Variants in TIMP2 observed in about 807,000 individuals in gnomAD.
TIMP2 encodes TIMP metallopeptidase inhibitor 2.
In TIMP2, 5 loss-of-function variants were observed where a neutral mutation model predicts 24.3. The ratio of observed to expected loss-of-function variants is 0.21; its 90% CI spans 0.11 to 0.43. The LOEUF (loss-of-function observed/expected upper bound fraction) is 0.43, where lower values mean the gene tolerates loss of function less well. TIMP2 is among the 20% of genes least tolerant of loss of function. TIMP2 has a pLI of 1.00. For missense variants in TIMP2, 221 were observed against 297.5 expected (o/e 0.74, Z 1.89); for synonymous variants, 130 against 123.2 (o/e 1.06, Z -0.37).
At chr17:78,864,361 C>T (rs2069591407) in intron 3 of TIMP2, among the ~76,000 whole-genome samples, 1 of 149,980 alleles carries the variant, frequency 6.7e-6, no homozygotes, top group African/African-American at 2.5e-5. Flanking sequence ...CTCCCTTCCT[C>T]CATGCCTCCC....
At chr17:78,910,065 A>G (rs76666616) in intron 1 of TIMP2, among the ~76,000 whole-genome samples, 186 of 152,354 alleles carry the variant, frequency 1.2e-3, no homozygotes, top group African/African-American at 4.3e-3. Flanking sequence ...GATACATACA[A>G]TGTATAGTGA....
chr17:78,866,179 T>C (rs1232764927), intron 3 of TIMP2, among the ~76,000 whole-genome samples: 1 of 152,242 alleles, frequency 6.6e-6, no homozygotes. Flanking sequence ...GCTGACACGC[T>C]GGGAAATTTC....
intron 1 of TIMP2, among the ~76,000 whole-genome samples, chr17:78,887,192 G>A (rs941334320): frequency 6.6e-6 from 1 of 152,192 alleles, no homozygotes; most frequent in African/African-American, 2.4e-5. Flanking sequence ...CATTCGCCAG[G>A]GAAGTCCGGC....
At chr17:78,859,031 G>C (rs1473311181) in intron 3 of TIMP2, among the ~76,000 whole-genome samples, 1 of 152,166 alleles carries the variant, frequency 6.6e-6, no homozygotes, top group African/African-American at 2.4e-5. Context: ...GCAGTATGTA[G>C]ATTATATTGT....
At position 78,925,032 on chromosome 17, in the gene TIMP2, C is replaced by G. The variant is rs955039934; in HGVS notation, c.57G>C (p.Thr19=). The G allele has an allele frequency of 6.5e-6, 8 of 1,224,410 alleles. No homozygotes were observed. The African/African-American group carries it at 1.3e-4, about 20-fold the overall frequency. The allele number at this position is 1,224,410 out of a possible 1,614,324, so 75.8% of individuals were successfully genotyped here. ...RLALGLLLLA[T]LLRPADACSC... is the part of the protein sequence containing the mutation. The stretch of plus-strand genomic sequence containing the variant: ...TGCAGGCGTCGGCCGGGCGAAGCAG[C>G]GTCGCCAGCAGCAGGAGGCCGAGCG... Residue 19 remains threonine, a synonymous_variant, in exon 1 of 5, where the codon ACG becomes ACC. Transcript: ENST00000262768.
At chr17:78,887,275 T>C (rs1251525360) in intron 1 of TIMP2, among the ~76,000 whole-genome samples, 1 of 152,214 alleles carries the variant, frequency 6.6e-6, no homozygotes, top group African/African-American at 2.4e-5. Flanking sequence ...TTCCAGCTTT[T>C]ACTCACTCAT....
At chr17:78,910,105 T>C (rs1186639396) in intron 1 of TIMP2, among the ~76,000 whole-genome samples, 1 of 152,196 alleles carries the variant, frequency 6.6e-6, no homozygotes, top group Non-Finnish European at 1.5e-5. Context: ...ACAGCCATCA[T>C]CTCAAGCATT....
chr17:78,857,240 G>A (rs996544659), intron 4 of TIMP2: 10 of 363,372 alleles, frequency 2.8e-5, no homozygotes, highest in African/African-American at 1.6e-4. Context: ...CACCTATCTC[G>A]GCCTCCCAAA....
At chr17:78,856,444 G>T (rs975286859) in intron 4 of TIMP2, 1 of 156,060 alleles carries the variant, frequency 6.4e-6, no homozygotes, top group Non-Finnish European at 1.4e-5. Flanking sequence ...GGGGCTGGGG[G>T]CCGTCAGGAG....
In TIMP2 at chr17:78,883,786, C is replaced by T. The variant is rs796513255; in HGVS notation, c.131-9867G>A. Among the ~76,000 whole-genome samples the T allele has an allele frequency of 9.8e-5, 15 of 152,312 alleles. 1 individual carries two copies. Among genetic ancestry groups the T allele is most frequent in the African/African-American group, 3.6e-4 (15 of 41,576 alleles). On this transcript the variant is annotated intron_variant, in intron 1 of 4. Transcript: ENST00000262768. ...GCACCTCAGCCACGCAGAGCAAAGC[C>T]GCCCTCTCTGCCCAGCCTTCCTGCC...
intron 1 of TIMP2, among the ~76,000 whole-genome samples, chr17:78,886,434 C>T (rs1490055991): frequency 6.6e-6 from 1 of 152,108 alleles, no homozygotes; most frequent in African/African-American, 2.4e-5. Context: ...GCCATAACAC[C>T]CTCTCTGCCC....
In TIMP2 at chr17:78,892,347, C is replaced by A. The variant is rs571985781; in HGVS notation, c.131-18428G>T. On this transcript the variant is annotated intron_variant, in intron 1 of 4. Transcript: ENST00000262768. Reference sequence around the variant, plus strand: ...CCATCCATGTTTCTGTTCCTGTCTGCGAACCCAGCAGATACAGCTTCCCAG... The same window carrying A: ...CCATCCATGTTTCTGTTCCTGTCTGAGAACCCAGCAGATACAGCTTCCCAG... 1.9e-6 allele frequency: 3 copies of A among 1,550,634 alleles called. No individual in the cohort carries two copies. In the South Asian group the frequency reaches 3.6e-5, roughly 18 times the overall value.
intron 1 of TIMP2, among the ~76,000 whole-genome samples, chr17:78,907,029 C>T (rs2070165460): frequency 6.6e-6 from 1 of 152,028 alleles, no homozygotes; most frequent in Non-Finnish European, 1.5e-5. Context: ...TAAGCTTAAT[C>T]ACTCCTAGCT....
chr17:78,897,083 C>T, intron 1 of TIMP2: 1 of 794,386 alleles, frequency 1.3e-6, no homozygotes, highest in Non-Finnish European at 1.5e-6. Flanking sequence ...AGTGCCAGGG[C>T]CCACAGACAG....
intron 1 of TIMP2, among the ~76,000 whole-genome samples, chr17:78,887,154 G>GT (rs1188825177): frequency 6.6e-6 from 1 of 152,190 alleles, no homozygotes; most frequent in Non-Finnish European, 1.5e-5. Context: ...CCAAATGAGC[G>GT]TAACGCTTGT....
chr17:78,861,059 G>A (rs916540746), intron 3 of TIMP2, among the ~76,000 whole-genome samples: 7 of 149,392 alleles, frequency 4.7e-5, no homozygotes, highest in Middle Eastern at 3.2e-3. Context: ...ATCAAAATTA[G>A]ATATATAACT....
At chr17:78,882,800 AG>A (rs1381520414) in intron 1 of TIMP2, among the ~76,000 whole-genome samples, 1 of 152,250 alleles carries the variant, frequency 6.6e-6, no homozygotes, top group East Asian at 1.9e-4. Flanking sequence ...CTGAGCAGCC[AG>A]GAAGTGTCAC....
At chr17:78,871,117 A>G in intron 2 of TIMP2, 111 bp from the exon 3 acceptor site, 1 of 771,298 alleles carries the variant, frequency 1.3e-6, no homozygotes, top group Non-Finnish European at 2.2e-6. Context: ...GGGTACAGCC[A>G]GCACCCAAGA....
intron 1 of TIMP2, among the ~76,000 whole-genome samples, chr17:78,913,868 G>A (rs553135840): frequency 7.2e-6 from 1 of 139,802 alleles, no homozygotes; most frequent in South Asian, 2.2e-4. Flanking sequence ...CTCCAGCCTG[G>A]GCCACGGAGC....
Sources: gnomAD v4.1 joint callset for allele counts (sites outside exome capture counted in the v4.1 genomes callset) on GRCh38, gnomAD v4.1.1 for gene constraint, MANE v1.5 for transcripts, NCBI Gene and HGNC (gene_info 2026-07-23, HGNC 2026-07-21) for gene names.